The following TRAFD1 variants were observed in gnomAD, a reference collection of about 807,000 sequenced individuals.
TRAFD1 encodes the protein TRAF-type zinc finger domain containing 1, also known as TRAF-type zinc finger domain-containing protein 1.
A neutral mutation model predicts 65.3 loss-of-function variants in TRAFD1; 38 were observed. The ratio of observed to expected loss-of-function variants is 0.58; its 90% CI spans 0.45 to 0.76. The LOEUF (loss-of-function observed/expected upper bound fraction) is 0.76. Ranked by LOEUF, TRAFD1 falls within the 30% of genes least tolerant of loss-of-function variation. The pLI is 0.00. For synonymous variants in TRAFD1, 223 were observed against 257.2 expected, an observed-to-expected ratio of 0.87 and a Z score of 1.27; for missense variants, 631 against 712.6, an observed-to-expected ratio of 0.89 and a Z score of 1.30.
rs558958925 is a variant in TRAFD1, at chr12:112,151,650, G to A, written c.1280-151G>A. ...TGACCTCAGGTGATCCCCGCACCTCGGCCTCCCAAAGTGCTGGGTTTACAG... is the reference window on the plus strand; with the variant it reads ...TGACCTCAGGTGATCCCCGCACCTCAGCCTCCCAAAGTGCTGGGTTTACAG... On this transcript the variant is annotated intron_variant, in intron 9 of 11. Coordinates refer to ENST00000412615, the MANE Select transcript of TRAFD1 (RefSeq NM_006700.3). 22 of 687,816 alleles carry A rather than the reference G, an allele frequency of 3.2e-5. No individual in the cohort carries two copies. The Admixed American group carries it at 6.2e-4, about 19-fold the overall frequency. 42.6% of individuals were successfully genotyped at this position (687,816 alleles called of 1,614,324 possible). A position where few individuals can be genotyped will look rare whatever the true frequency, so the allele number is the denominator to read the frequency against.
intron 6 of TRAFD1, 97 bp downstream of exon 6, chr12:112,142,392 G>T (rs2030119162): frequency 2.2e-6 from 3 of 1,388,494 alleles, no homozygotes; most frequent in Non-Finnish European, 9.8e-7. Flanking sequence ...TAATGAAATA[G>T]AATTTGCCTT....
rs763968969 is a variant in TRAFD1 at position 112,142,078 on chromosome 12, T to C, written c.644-11T>C. 1 of 1,612,020 alleles carries C rather than the reference T, an allele frequency of 6.2e-7. No homozygotes were observed. The highest frequency in any genetic ancestry group is 8.5e-7 in the Non-Finnish European group (1 of 1,178,694). On this transcript the variant is annotated splice_polypyrimidine_tract_variant and intron_variant, in intron 5 of 11. Coordinates refer to ENST00000412615, the MANE Select transcript of TRAFD1 (RefSeq NM_006700.3). ...ATGTATCCTGAATGTTGGTTGGTTT[T>C]TTTTTTTCAGTTGAAGAACAAGAGA...
chr12:112,125,621 G>A lies in TRAFD1; in HGVS notation c.-13+3G>A, dbSNP rs1303493883. 2 of 152,866 alleles carry A rather than the reference G, an allele frequency of 1.3e-5. No individual in the cohort carries two copies. The highest frequency in any genetic ancestry group is 3.8e-4 in the East Asian group (2 of 5,206). 9.5% of individuals were successfully genotyped at this position (152,866 alleles called of 1,614,324 possible). A position where few individuals can be genotyped will look rare whatever the true frequency, so the allele number is the denominator to read the frequency against. The stretch of plus-strand genomic sequence containing the variant: ...CAGCGTTTCTCCTCTCGTCCCTGGT[G>A]AGGTGTAGCGGCGGCACGCGGCTGG... On this transcript the variant is annotated splice_donor_region_variant and intron_variant, in intron 1 of 11. Coordinates refer to ENST00000412615, the MANE Select transcript of TRAFD1 (RefSeq NM_006700.3).
intron 2 of TRAFD1, among the ~76,000 whole-genome samples, chr12:112,133,887 G>T (rs976946972): frequency 2.7e-5 from 4 of 150,772 alleles, no homozygotes; most frequent in African/African-American, 9.8e-5. Flanking sequence ...TATATTTTTG[G>T]TAGAAGCGGG....
rs2029966718 is a variant in TRAFD1, at chr12:112,137,877, T to C, written c.237+2811T>C. Among the ~76,000 whole-genome samples the C allele has an allele frequency of 1.3e-5, 2 of 152,206 alleles. No homozygotes were observed. Among genetic ancestry groups the C allele is most frequent in the Admixed American group, 1.3e-4 (2 of 15,276 alleles). ...TCACCAAGGTATATACTTAAAGATT[T>C]GTGCATTTCATTCTGTGTGCCTCAA... On this transcript the variant is annotated intron_variant, in intron 4 of 11. Transcript: ENST00000412615. The surrounding 1 kb of genome is among the most constrained non-coding windows in gnomAD (Gnocchi z 4.2).
intron 9 of TRAFD1, 33 bp from the exon 10 acceptor site, chr12:112,151,768 T>C (rs2030412889): frequency 6.3e-7 from 1 of 1,587,190 alleles, no homozygotes; most frequent in African/African-American, 1.4e-5. Context: ...GAGCAGGCTT[T>C]TTCCTAAAGC....
Position 112,149,851 on chromosome 12 carries a change from G to A in TRAFD1, c.1259G>A (p.Arg420Lys). Residue 420 changes from arginine (R) to lysine (K), a missense_variant, in exon 9 of 12, where the codon AGG (arginine) becomes AAG (lysine). Transcript: ENST00000412615. ...CAAGAGACCTCACCAGAGCTGCCCA[G>A]GAGGCGTGTCAGACACCAGGGTATT... is the stretch of plus-strand genomic sequence containing the variant. ...QPQETSPELP[R>K]RRVRHQGDLS... 1 of 1,614,182 alleles carries A rather than the reference G, an allele frequency of 6.2e-7. No individual in the cohort carries two copies. The highest frequency in any genetic ancestry group is 8.5e-7 in the Non-Finnish European group (1 of 1,180,008).
intron 5 of TRAFD1, 61 bp downstream of exon 5, chr12:112,141,285 C>A: frequency 6.4e-7 from 1 of 1,572,386 alleles, no homozygotes; most frequent in Non-Finnish European, 8.7e-7. Context: ...CAAATGGGAA[C>A]AGGGCTTTGG....
At position 112,141,390 on chromosome 12, in the gene TRAFD1, G is replaced by T. The variant is rs1045540200; in HGVS notation, c.643+166G>T. Reference sequence around the variant, plus strand: ...CTATAAAATGGAAATAACCTCCATTGGATTATAGTTAGGGTTCATAATGGT... The same window carrying T: ...CTATAAAATGGAAATAACCTCCATTTGATTATAGTTAGGGTTCATAATGGT... On this transcript the variant is annotated intron_variant, in intron 5 of 11. Coordinates refer to ENST00000412615, the MANE Select transcript of TRAFD1 (RefSeq NM_006700.3). 6.4e-6 allele frequency: 5 copies of T among 784,964 alleles called. No homozygotes were observed. In the African/African-American group the frequency reaches 7.0e-5, roughly 11 times the overall value. 48.6% of individuals were successfully genotyped at this position (784,964 alleles called of 1,614,324 possible).
intron 8 of TRAFD1, chr12:112,149,548 G>C: frequency 3.6e-6 from 2 of 556,838 alleles, no homozygotes; most frequent in East Asian, 6.3e-5. Context: ...GCACAAATCA[G>C]AAAGTGTTTC....
intron 1 of TRAFD1, chr12:112,126,113 C>T (rs1165571521): frequency 6.6e-6 from 1 of 152,244 alleles, no homozygotes. Flanking sequence ...AGACTTTCAC[C>T]TCTTAGGATT....
chr12:112,148,192 A>T lies in TRAFD1; in HGVS notation c.1046A>T (p.Gln349Leu). ...TTCTTGCAACAGGCTGCAAGTAACC[A>T]GTTAGACTCTTTGATGGGCCTGAGC... is the stretch of plus-strand genomic sequence containing the variant. ...QNFLQQAASNQLDSLMGLSNS... is the reference protein window; with the variant it reads ...QNFLQQAASNLLDSLMGLSNS... The change falls in exon 8 of 12, where the codon CAG becomes CTG. Residue 349 changes from glutamine to leucine, a missense_variant. By Grantham distance (113) the Gln-to-Leu change is moderately radical (BLOSUM62 -2). Transcript: ENST00000412615. 6.2e-7 allele frequency: 1 copy of T among 1,614,198 alleles called. No individual in the cohort carries two copies. The highest frequency in any genetic ancestry group is 1.3e-5 in the African/African-American group (1 of 75,040).
rs757415144 is a variant in TRAFD1 at position 112,140,927 on chromosome 12, T to C, written c.346T>C (p.Cys116Arg). The change falls in exon 5 of 12, where the codon TGT becomes CGT. Residue 116 changes from cysteine to arginine, a missense_variant. Transcript: ENST00000412615. ...EDYCGARTEL[C>R]GNCGRNVLVK... ...TTATTGTGGTGCCCGGACGGAACTA[T>C]GTGGCAACTGTGGTCGCAATGTCCT... The C allele has an allele frequency of 6.2e-7, 1 of 1,614,184 alleles. No individual in the cohort carries two copies. Among genetic ancestry groups the C allele is most frequent in the East Asian group, 2.2e-5 (1 of 44,884 alleles).
At chr12:112,126,335 A>G (rs2079537324) in intron 1 of TRAFD1, among the ~76,000 whole-genome samples, 1 of 152,132 alleles carries the variant, frequency 6.6e-6, no homozygotes, top group South Asian at 2.1e-4. Context: ...GCTGACCCCC[A>G]ACAGGCTCCT....
At chr12:112,147,377 G>A (rs2030281636) in intron 7 of TRAFD1, among the ~76,000 whole-genome samples, 1 of 152,090 alleles carries the variant, frequency 6.6e-6, no homozygotes, top group Non-Finnish European at 1.5e-5. Flanking sequence ...AATAGTGCCT[G>A]TGCTCTGGAT....
chr12:112,141,482 T>C (rs1490280791), intron 5 of TRAFD1: 4 of 443,616 alleles, frequency 9.0e-6, no homozygotes, highest in South Asian at 3.9e-5. Flanking sequence ...TCCAAAATAC[T>C]TGGGGCCAGA....
At chr12:112,134,654 C>A (rs1406701924) in intron 2 of TRAFD1, 84 bp from the exon 3 acceptor site, 9 of 1,491,872 alleles carry the variant, frequency 6.0e-6, no homozygotes, top group South Asian at 1.2e-5. Flanking sequence ...TTGGACAGGA[C>A]AGATTTCCAT....
chr12:112,141,508 G>A, intron 5 of TRAFD1: 1 of 381,948 alleles, frequency 2.6e-6, no homozygotes, highest in Non-Finnish European at 4.7e-6. Flanking sequence ...TTTGGCTTTT[G>A]AAGTATTTGC....
chr12:112,145,752 T>A, intron 7 of TRAFD1, 90 bp downstream of exon 7: 1 of 1,124,288 alleles, frequency 8.9e-7, no homozygotes, highest in Non-Finnish European at 1.3e-6. Flanking sequence ...GAACAAATCA[T>A]TTTAATACAA....
Sources: gnomAD v4.1 joint callset for allele counts (sites outside exome capture counted in the v4.1 genomes callset) on GRCh38, gnomAD v4.1.1 for gene constraint, Gnocchi (gnomAD v3.1) non-coding constraint, MANE v1.5 for transcripts, NCBI Gene and HGNC (gene_info 2026-07-23, HGNC 2026-07-21) for gene names.